The following KIF13B variants were observed in gnomAD, a reference collection of about 807,000 sequenced individuals.
The protein encoded by KIF13B is kinesin family member 13B, also known as kinesin-like protein KIF13B.
In KIF13B, 127 loss-of-function variants were observed where a neutral mutation model predicts 222.0. That is an observed-to-expected ratio of 0.57 (90% CI 0.50 to 0.66). The LOEUF is 0.66. KIF13B is among the 30% of genes least tolerant of loss of function. The pLI is 0.00. For synonymous variants in KIF13B, 976 were observed against 919.0 expected, an observed-to-expected ratio of 1.06 and a Z score of -1.12; for missense variants, 2,173 against 2,379.0, an observed-to-expected ratio of 0.91 and a Z score of 1.80.
intron 35 of KIF13B, among the ~76,000 whole-genome samples, chr8:29,105,984 C>T (rs1809049503): frequency 1.3e-5 from 2 of 152,014 alleles, no homozygotes; most frequent in Non-Finnish European, 2.9e-5. Context: ...GAATTTTGGC[C>T]ACTTCTTTCA....
At chr8:29,154,802 C>T (rs548426457) in intron 14 of KIF13B, among the ~76,000 whole-genome samples, 9 of 152,324 alleles carry the variant, frequency 5.9e-5, no homozygotes, top group Non-Finnish European at 1.0e-4. Flanking sequence ...CAGCACAACA[C>T]AGCTGTGAGG....
intron 32 of KIF13B, among the ~76,000 whole-genome samples, chr8:29,111,425 C>T (rs891870801): frequency 6.6e-6 from 1 of 152,172 alleles, no homozygotes; most frequent in African/African-American, 2.4e-5. Context: ...ATGAAACTTG[C>T]CTATTAAGGG....
intron 13 of KIF13B, among the ~76,000 whole-genome samples, chr8:29,157,830 CAA>C (rs901426407): frequency 2.9e-4 from 27 of 94,014 alleles, no homozygotes; most frequent in Non-Finnish European, 3.1e-4. Context: ...GACCCTGCCT[CAA>C]AAAAAAAAAA....
chr8:29,113,363 C>T, intron 32 of KIF13B, 100 bp downstream of exon 32: 2 of 630,098 alleles, frequency 3.2e-6, no homozygotes, highest in Non-Finnish European at 5.4e-6. Flanking sequence ...CCTAAACATA[C>T]ACTTTCACTT....
intron 37 of KIF13B, among the ~76,000 whole-genome samples, chr8:29,088,726 AAAAATGCCCT>A (rs1808157291): frequency 6.6e-6 from 1 of 152,262 alleles, no homozygotes; most frequent in African/African-American, 2.4e-5. Flanking sequence ...CACAGGCACT[AAAAATGCCCT>A]TTTTCAGAGA....
intron 11 of KIF13B, among the ~76,000 whole-genome samples, chr8:29,166,493 G>C (rs1434932102): frequency 6.6e-6 from 1 of 152,118 alleles, no homozygotes; most frequent in Non-Finnish European, 1.5e-5. Context: ...GAGGTCAGGA[G>C]TTCAAGTTCA....
At chr8:29,210,133 A>G (rs1373066160) in intron 2 of KIF13B, among the ~76,000 whole-genome samples, 2 of 152,178 alleles carry the variant, frequency 1.3e-5, no homozygotes, top group Non-Finnish European at 2.9e-5. Context: ...TCAGACTACC[A>G]TGGATCAGGG....
intron 37 of KIF13B, among the ~76,000 whole-genome samples, chr8:29,089,343 G>A (rs1808186505): frequency 6.6e-6 from 1 of 152,104 alleles, no homozygotes; most frequent in Non-Finnish European, 1.5e-5. Context: ...GGAGACTGAG[G>A]GTGGAGGATT....
At chr8:29,078,084 A>C (rs1004316142) in intron 37 of KIF13B, among the ~76,000 whole-genome samples, 2 of 134,284 alleles carry the variant, frequency 1.5e-5, no homozygotes, top group Admixed American at 8.8e-5. Context: ...GGAGTTTGGG[A>C]CCAGCCTGGC....
chr8:29,180,399 T>C (rs768325643), intron 7 of KIF13B, among the ~76,000 whole-genome samples, 161 bp from the exon 8 acceptor site: 2 of 152,200 alleles, frequency 1.3e-5, no homozygotes, highest in African/African-American at 2.4e-5. Flanking sequence ...TGGAGTACAA[T>C]AGCCAATACT....
intron 2 of KIF13B, among the ~76,000 whole-genome samples, chr8:29,207,531 T>C (rs1814007368): frequency 6.6e-6 from 1 of 152,080 alleles, no homozygotes; most frequent in South Asian, 2.1e-4. Context: ...GTCTAAACTG[T>C]CCAGTCCTGA....
chr8:29,070,420 G>A lies in KIF13B; in HGVS notation c.*84C>T, dbSNP rs958930200. The A allele has an allele frequency of 8.0e-6, 12 of 1,496,416 alleles. No individual in the cohort carries two copies. The highest frequency in any genetic ancestry group is 6.0e-5 in the South Asian group (5 of 83,676). 92.7% of individuals were successfully genotyped at this position (1,496,416 alleles called of 1,614,324 possible). A position where few individuals can be genotyped will look rare whatever the true frequency, so the allele number is the denominator to read the frequency against. On this transcript the variant is annotated 3_prime_UTR_variant, in exon 40 of 40. Transcript: ENST00000524189. This position sits in a 1 kb window ranked among gnomAD's most constrained non-coding sequence, Gnocchi z 4.1. ...CCCTGCCCCTGGGGAAGGGGCCACC[G>A]GGCTCCTGGCTCCTCAGGGCTGTCA... is the stretch of plus-strand genomic sequence containing the variant.
chr8:29,191,253 AT>A (rs1813170689), intron 3 of KIF13B, among the ~76,000 whole-genome samples, 196 bp from the exon 4 acceptor site: 1 of 152,242 alleles, frequency 6.6e-6, no homozygotes, highest in Non-Finnish European at 1.5e-5. Context: ...ATGGAAAACT[AT>A]TCACAAAATG....
At chr8:29,228,203 C>T (rs963729076) in intron 2 of KIF13B, among the ~76,000 whole-genome samples, 5 of 151,558 alleles carry the variant, frequency 3.3e-5, no homozygotes, top group East Asian at 1.9e-4. Flanking sequence ...CAGTGGCTCA[C>T]GCCTGTAATC....
intron 35 of KIF13B, among the ~76,000 whole-genome samples, chr8:29,101,994 C>T (rs1018938795): frequency 6.6e-6 from 1 of 151,080 alleles, no homozygotes; most frequent in Non-Finnish European, 1.5e-5. Context: ...ACACACTGTT[C>T]CCCAGGGACA....
At chr8:29,150,454 C>A in intron 14 of KIF13B, 71 bp from the exon 15 acceptor site, 1 of 738,656 alleles carries the variant, frequency 1.4e-6, no homozygotes, top group South Asian at 1.7e-5. Flanking sequence ...TTCCCAATAA[C>A]ATAGAGATAT....
At chr8:29,193,524 G>A (rs938530229) in intron 3 of KIF13B, among the ~76,000 whole-genome samples, 11 of 152,160 alleles carry the variant, frequency 7.2e-5, no homozygotes, top group African/African-American at 2.7e-4. Context: ...AATTAATTCT[G>A]TTCTTAATAA....
intron 37 of KIF13B, among the ~76,000 whole-genome samples, chr8:29,088,145 A>T (rs1808130088): frequency 6.6e-6 from 1 of 152,066 alleles, no homozygotes; most frequent in Non-Finnish European, 1.5e-5. Flanking sequence ...GGGCGCCTGT[A>T]ATCCCAGCTA....
chr8:29,155,339 C>A (rs1811471573), intron 14 of KIF13B, among the ~76,000 whole-genome samples: 2 of 152,160 alleles, frequency 1.3e-5, no homozygotes, highest in South Asian at 4.1e-4. Context: ...AGCACTTAAC[C>A]CTGCAGACCC....
Sources: gnomAD v4.1 joint callset for allele counts (sites outside exome capture counted in the v4.1 genomes callset) on GRCh38, gnomAD v4.1.1 for gene constraint, Gnocchi (gnomAD v3.1) non-coding constraint, MANE v1.5 for transcripts, NCBI Gene and HGNC (gene_info 2026-07-23, HGNC 2026-07-21) for gene names.